Variants in AFAP1L1 observed in about 807,000 individuals in gnomAD.
AFAP1L1 encodes the protein actin filament associated protein 1 like 1.
A neutral mutation model predicts 99.8 loss-of-function variants in AFAP1L1; 77 were observed. The observed-to-expected ratio is 0.77, with a 90% CI of 0.64 to 0.93. The LOEUF (loss-of-function observed/expected upper bound fraction) is 0.93. AFAP1L1 is among the 40% of genes least tolerant of loss of function. AFAP1L1 has a pLI of 0.00. For synonymous variants in AFAP1L1, 373 were observed against 395.3 expected, an observed-to-expected ratio of 0.94 and a Z score of 0.67; for missense variants, 893 against 996.8, an observed-to-expected ratio of 0.90 and a Z score of 1.40.
intron 1 of AFAP1L1, among the ~76,000 whole-genome samples, chr5:149,294,389 A>C (rs1027486227): frequency 6.6e-5 from 10 of 152,188 alleles, no homozygotes; most frequent in Non-Finnish European, 1.2e-4. Context: ...TAATGTTTTA[A>C]ATCTCTTTGG....
intron 10 of AFAP1L1, 100 bp downstream of exon 10, chr5:149,316,014 C>T: frequency 6.3e-7 from 1 of 1,582,660 alleles, no homozygotes; most frequent in Non-Finnish European, 8.7e-7. Flanking sequence ...ATTCTGTAGA[C>T]CTGGGTAAGG....
At chr5:149,322,347 G>A (rs1756973719) in intron 14 of AFAP1L1, among the ~76,000 whole-genome samples, 1 of 152,146 alleles carries the variant, frequency 6.6e-6, no homozygotes, top group Admixed American at 6.5e-5. Flanking sequence ...ACAGTCTTTT[G>A]AGACTTTCTA....
intron 5 of AFAP1L1, among the ~76,000 whole-genome samples, chr5:149,305,737 C>G (rs1581315830): frequency 6.6e-6 from 1 of 152,164 alleles, no homozygotes; most frequent in Non-Finnish European, 1.5e-5. Context: ...TCTTTCTTTG[C>G]AGTCCCAGAG....
chr5:149,276,094 C>T (rs981443372), intron 1 of AFAP1L1, among the ~76,000 whole-genome samples: 4 of 152,226 alleles, frequency 2.6e-5, no homozygotes, highest in African/African-American at 7.2e-5. Flanking sequence ...CTGACTGCCT[C>T]CTTGGTGGCA....
At chr5:149,332,626 A>G in intron 16 of AFAP1L1, 69 bp from the exon 17 acceptor site, 1 of 1,530,404 alleles carries the variant, frequency 6.5e-7, no homozygotes, top group Non-Finnish European at 8.8e-7. Context: ...CAAAGGCCTG[A>G]GGCCCTGCCA....
Position 149,326,050 on chromosome 5 carries a change from G to A in AFAP1L1, c.1810+3333G>A, listed in dbSNP as rs540860711. Among the ~76,000 whole-genome samples the A allele has an allele frequency of 2.4e-4, 36 of 152,266 alleles. 1 individual carries two copies. Among genetic ancestry groups the A allele is most frequent in the African/African-American group, 7.5e-4 (31 of 41,554 alleles). ...AGAGCAGTGACTCAGAGATTTTGCC[G>A]AGTGGGGAAAGGCAGGCCATAAGAA... On this transcript the variant is annotated intron_variant, in intron 15 of 18. Transcript: ENST00000296721.
chr5:149,311,158 C>G (rs1756618137), intron 8 of AFAP1L1, among the ~76,000 whole-genome samples: 1 of 152,160 alleles, frequency 6.6e-6, no homozygotes, highest in Non-Finnish European at 1.5e-5. Context: ...ACAATGAAAC[C>G]AAACACCTCC....
chr5:149,317,114 G>A (rs138582246), intron 11 of AFAP1L1, among the ~76,000 whole-genome samples: 5 of 152,308 alleles, frequency 3.3e-5, no homozygotes, highest in South Asian at 2.1e-4. Context: ...GCAGTGAGCC[G>A]TGATAGAGAC....
intron 1 of AFAP1L1, among the ~76,000 whole-genome samples, chr5:149,282,536 G>A (rs532894796): frequency 6.6e-6 from 1 of 152,298 alleles, no homozygotes; most frequent in South Asian, 2.1e-4. Flanking sequence ...GGGACCAGCA[G>A]ACCTCAATCC....
At position 149,343,519 on chromosome 5, in the gene AFAP1L1, T is replaced by C. The variant is rs540551384; in HGVS notation, c.*3489T>C. ...ATTCAACAAATACTTGAGTACCTAC[T>C]ATACTAGATGTCAGAAATCAGTGGT... On this transcript the variant is annotated 3_prime_UTR_variant, in exon 19 of 19. Transcript: ENST00000296721. Among the ~76,000 whole-genome samples the C allele has an allele frequency of 4.6e-5, 7 of 152,278 alleles. No homozygotes were observed. The South Asian group carries it at 1.5e-3, about 32-fold the overall frequency.
chr5:149,283,004 T>C (rs1389346278), intron 1 of AFAP1L1, among the ~76,000 whole-genome samples: 1 of 152,132 alleles, frequency 6.6e-6, no homozygotes. Context: ...CACAGCCCAT[T>C]CCATCCCTCT....
chr5:149,282,380 A>G (rs139621233), intron 1 of AFAP1L1, among the ~76,000 whole-genome samples: 1 of 152,310 alleles, frequency 6.6e-6, no homozygotes, highest in East Asian at 1.9e-4. Flanking sequence ...CTGCAGTTCA[A>G]CTTAGGGCAA....
chr5:149,293,769 C>T (rs751577491), intron 1 of AFAP1L1, among the ~76,000 whole-genome samples: 19 of 152,188 alleles, frequency 1.2e-4, no homozygotes, highest in Non-Finnish European at 2.8e-4. Context: ...AGCACGGTGC[C>T]ATGCAAAGTG....
At chr5:149,302,139 TAATTCTGC>T (rs1756241614) in intron 4 of AFAP1L1, among the ~76,000 whole-genome samples, 1 of 152,272 alleles carries the variant, frequency 6.6e-6, no homozygotes, top group African/African-American at 2.4e-5. Flanking sequence ...TAGCTTCTGG[TAATTCTGC>T]ATGTGCTCAG....
At chr5:149,282,895 C>G (rs1755565155) in intron 1 of AFAP1L1, among the ~76,000 whole-genome samples, 1 of 152,158 alleles carries the variant, frequency 6.6e-6, no homozygotes, top group South Asian at 2.1e-4. Context: ...ATGCCATTTA[C>G]CAGTGTTTTT....
intron 1 of AFAP1L1, among the ~76,000 whole-genome samples, chr5:149,281,390 G>A (rs547359318): frequency 6.6e-6 from 1 of 152,104 alleles, no homozygotes; most frequent in South Asian, 2.1e-4. Context: ...ATGCAGCTCA[G>A]CGTCATCTCC....
At chr5:149,276,093 T>G (rs971613921) in intron 1 of AFAP1L1, among the ~76,000 whole-genome samples, 1 of 152,236 alleles carries the variant, frequency 6.6e-6, no homozygotes, top group Non-Finnish European at 1.5e-5. Context: ...GCTGACTGCC[T>G]CCTTGGTGGC....
Position 149,343,258 on chromosome 5 carries a change from A to G in AFAP1L1, c.*3228A>G, listed in dbSNP as rs543166923. On this transcript the variant is annotated 3_prime_UTR_variant, in exon 19 of 19. Coordinates refer to ENST00000296721, the MANE Select transcript of AFAP1L1 (RefSeq NM_152406.4). ...CAAGCAGGAAAGAAAATGTGACCCA[A>G]ATAACTACAGTACAAATAACCCATG... Among the ~76,000 whole-genome samples, 4 of 152,260 alleles carry G rather than the reference A, an allele frequency of 2.6e-5. No homozygotes were observed. Among genetic ancestry groups the G allele is most frequent in the African/African-American group, 7.2e-5 (3 of 41,544 alleles).
chr5:149,319,779 T>G, intron 13 of AFAP1L1, 52 bp downstream of exon 13: 1 of 1,595,960 alleles, frequency 6.3e-7, no homozygotes, highest in Non-Finnish European at 8.5e-7. Context: ...CCTGTCTCCA[T>G]CCCTCTCAGA....
Sources: allele counts gnomAD v4.1 joint callset (sites outside exome capture counted in the v4.1 genomes callset), GRCh38; gene constraint gnomAD v4.1.1; transcripts MANE v1.5; gene names NCBI Gene and HGNC (gene_info 2026-07-23, HGNC 2026-07-21).